The following VGLL3 variants were observed in gnomAD, a reference collection of about 807,000 sequenced individuals.
The protein encoded by VGLL3 is transcription cofactor vestigial-like protein 3.
In VGLL3, 18 loss-of-function variants were observed where a neutral mutation model predicts 29.2. The observed-to-expected ratio is 0.62, with a 90% CI of 0.43 to 0.91. The LOEUF is 0.91. VGLL3 is among the 40% of genes least tolerant of loss of function. The probability of loss-of-function intolerance (pLI) is 0.00; values close to 1 mark genes in which losing one functional copy is unlikely to be tolerated. For synonymous variants in VGLL3, 180 were observed against 151.8 expected, an observed-to-expected ratio of 1.19 and a Z score of -1.36; for missense variants, 440 against 413.2, an observed-to-expected ratio of 1.06 and a Z score of -0.56.
rs575971403 is a variant in VGLL3 at position 86,968,789 on chromosome 3, A to G, written c.738T>C (p.His246=). 1 of 1,614,106 alleles carries G rather than the reference A, an allele frequency of 6.2e-7. No homozygotes were observed. The highest frequency in any genetic ancestry group is 2.2e-5 in the East Asian group (1 of 44,872). The part of the protein sequence containing the change: ...MHHRHRHHHH[H]HHPPAGSALD... ...GGGCAGAGCCAGCAGGAGGGTGGTG[A>G]TGGTGATGATGGTGGCGGTGGCGGT... Residue 246 remains histidine, a synonymous_variant, in exon 3 of 4, where the codon CAT becomes CAC. Transcript: ENST00000398399.
In VGLL3 at chr3:86,968,644, C is replaced by G; in HGVS notation, c.883G>C (p.Ala295Pro). The change falls in exon 3 of 4, where the codon GCT becomes CCT. Residue 295 changes from alanine (A) to proline (P), a missense_variant. Transcript: ENST00000398399. ...TCTACTGTTCCATGAAAGGCTCCAG[C>G]CCATGCTGAGGTAGCAGAGGTGACT... ...TTVTSATSAW[A>P]GAFHGTVDIV... 1.2e-6 allele frequency: 2 copies of G among 1,614,194 alleles called. No individual in the cohort carries two copies. The highest frequency in any genetic ancestry group is 1.7e-6 in the Non-Finnish European group (2 of 1,180,038).
At chr3:86,960,340 A>G (rs1170006476) in intron 3 of VGLL3, among the ~76,000 whole-genome samples, 1 of 152,144 alleles carries the variant, frequency 6.6e-6, no homozygotes, top group Non-Finnish European at 1.5e-5. Flanking sequence ...TTATGATATC[A>G]TCAGGCACAA....
intron 1 of VGLL3, among the ~76,000 whole-genome samples, chr3:86,983,916 G>C (rs140171720): frequency 5.5e-4 from 84 of 152,256 alleles, no homozygotes; most frequent in Non-Finnish European, 8.8e-4. Context: ...TAACTATAAT[G>C]GTAAGTGGCA....
intron 1 of VGLL3, among the ~76,000 whole-genome samples, chr3:86,989,959 T>C (rs1231790976): frequency 3.9e-5 from 6 of 152,118 alleles, no homozygotes; most frequent in African/African-American, 1.4e-4. Flanking sequence ...AGATTCAAGG[T>C]AACCTTTTGG....
intron 2 of VGLL3, among the ~76,000 whole-genome samples, chr3:86,970,342 C>G (rs1488889022): frequency 6.6e-6 from 1 of 151,998 alleles, no homozygotes; most frequent in Non-Finnish European, 1.5e-5. Flanking sequence ...TAGGTATTCT[C>G]CCAACAGGAA....
At chr3:86,961,657 T>A (rs1304331040) in intron 3 of VGLL3, among the ~76,000 whole-genome samples, 2 of 152,158 alleles carry the variant, frequency 1.3e-5, no homozygotes, top group African/African-American at 4.8e-5. Context: ...CTGAGATAGC[T>A]GAAATCAGTC....
chr3:86,969,675 T>TTTTATTTATTTA (rs201595037), intron 2 of VGLL3, among the ~76,000 whole-genome samples: 602 of 145,492 alleles, frequency 4.1e-3, no homozygotes, highest in African/African-American at 4.2e-3. Context: ...TCCAACCTCA[T>TTTTATTTATTTA]TTTATTTATT....
chr3:86,988,639 C>CCAAAAAA (rs1559736654), intron 1 of VGLL3, among the ~76,000 whole-genome samples: 1 of 12,788 alleles, frequency 7.8e-5, no homozygotes, highest in Non-Finnish European at 2.5e-4. Flanking sequence ...CTTTACTTGA[C>CCAAAAAA]CAAAAAAAAA....
At chr3:86,980,556 C>G (rs1705303540) in intron 1 of VGLL3, among the ~76,000 whole-genome samples, 1 of 152,040 alleles carries the variant, frequency 6.6e-6, no homozygotes, top group Non-Finnish European at 1.5e-5. Context: ...TTCTCATAAT[C>G]TACCTCTGCA....
At position 86,942,754 on chromosome 3, in the gene VGLL3, A is replaced by G. The variant is rs1358847131; in HGVS notation, c.*4270T>C. 3 of 152,212 alleles carry G rather than the reference A, an allele frequency of 2.0e-5. No individual in the cohort carries two copies. Among genetic ancestry groups the G allele is most frequent in the Non-Finnish European group, 4.4e-5 (3 of 68,032 alleles). The allele number at this position is 152,212 out of a possible 1,614,324, so 9.4% of individuals were successfully genotyped here. A position where few individuals can be genotyped will look rare whatever the true frequency, so the allele number is the denominator to read the frequency against. ...TGACATACTAAAAAGTCAGCTAATT[A>G]AGAAACGTACATTTATCTCCTATAC... is the stretch of plus-strand genomic sequence containing the variant. On this transcript the variant is annotated 3_prime_UTR_variant, in exon 4 of 4. Coordinates refer to ENST00000398399, the MANE Select transcript of VGLL3 (RefSeq NM_016206.4).
At chr3:86,988,824 C>G (rs933868026) in intron 1 of VGLL3, among the ~76,000 whole-genome samples, 1 of 151,540 alleles carries the variant, frequency 6.6e-6, no homozygotes, top group African/African-American at 2.4e-5. Context: ...ATTATGTAAC[C>G]AATCAATGTA....
At position 86,988,706 on chromosome 3, in the gene VGLL3, A is replaced by AAG. The variant is rs1240083543; in HGVS notation, c.126+1911_126+1912insCT. ...AAAAAGAAGAAGAAGAAGGAGAAGA[A>AAG]AAAGAAGAAAAAGCAACATGAAAAT... On this transcript the variant is annotated intron_variant, in intron 1 of 3. Transcript: ENST00000398399. Among the ~76,000 whole-genome samples the AAG allele has an allele frequency of 1.3e-3, 25 of 19,808 alleles. 6 individuals carry two copies. Among genetic ancestry groups the AAG allele is most frequent in the African/African-American group, 2.3e-3 (23 of 10,184 alleles). The allele number at this position is 19,808 out of a possible 152,430, so 13.0% of individuals were successfully genotyped here. A position where few individuals can be genotyped will look rare whatever the true frequency, so the allele number is the denominator to read the frequency against.
At chr3:86,970,276 G>A (rs1575871978) in intron 2 of VGLL3, among the ~76,000 whole-genome samples, 1 of 152,114 alleles carries the variant, frequency 6.6e-6, no homozygotes, top group East Asian at 1.9e-4. Context: ...ATCATTTTTA[G>A]TCACAATCTG....
intron 3 of VGLL3, among the ~76,000 whole-genome samples, chr3:86,956,877 G>A (rs903220526): frequency 1.5e-4 from 22 of 150,978 alleles, no homozygotes; most frequent in Non-Finnish European, 2.5e-4. Context: ...ATATGGCAAA[G>A]GAGCTTTAAA....
At chr3:86,955,148 T>C (rs1388407429) in intron 3 of VGLL3, among the ~76,000 whole-genome samples, 1 of 152,022 alleles carries the variant, frequency 6.6e-6, no homozygotes, top group Non-Finnish European at 1.5e-5. Flanking sequence ...AACACCAACA[T>C]AGGAAACATG....
chr3:86,963,887 G>C lies in VGLL3; in HGVS notation c.937+4703C>G, dbSNP rs182737948. 1.2e-4 allele frequency among the ~76,000 whole-genome samples: 18 copies of C among 152,250 alleles called. No homozygotes were observed. The East Asian group carries it at 3.5e-3, about 29-fold the overall frequency. On this transcript the variant is annotated intron_variant, in intron 3 of 3. Coordinates refer to ENST00000398399, the MANE Select transcript of VGLL3 (RefSeq NM_016206.4). ...CATGCCGTCCACTAACTCTCCAGGA[G>C]TAACTACAATTAAAAGTTGGGATAT...
At position 86,968,605 on chromosome 3, in the gene VGLL3, C is replaced by T. The variant is rs183228630; in HGVS notation, c.922G>A (p.Val308Met). 54 of 1,613,462 alleles carry T rather than the reference C, an allele frequency of 3.3e-5. No homozygotes were observed. Among genetic ancestry groups the T allele is most frequent in the Admixed American group, 1.2e-4 (7 of 60,018 alleles). The stretch of plus-strand genomic sequence containing the variant: ...AGCAGCTTACCTGTATCGAATCCCA[C>T]GCTGGGCACTATGTCTACTGTTCCA... ...FHGTVDIVPS[V>M]GFDTGLQHQD... Residue 308 changes from valine (V) to methionine (M), a missense_variant, in exon 3 of 4, where the codon GTG becomes ATG. Transcript: ENST00000398399.
rs963287616 is a variant in VGLL3, at chr3:86,938,185, A to G, written c.*8839T>C. On this transcript the variant is annotated 3_prime_UTR_variant, in exon 4 of 4. Transcript: ENST00000398399. ...CATAAAAGTTATATATATTTAAGGT[A>G]TACGATATGATGATTTGATATAGGT... 6.6e-6 allele frequency: 1 copy of G among 152,230 alleles called. No homozygotes were observed. Among genetic ancestry groups the G allele is most frequent in the African/African-American group, 2.4e-5 (1 of 41,466 alleles). 9.4% of individuals were successfully genotyped at this position (152,230 alleles called of 1,614,324 possible). A position where few individuals can be genotyped will look rare whatever the true frequency, so the allele number is the denominator to read the frequency against.
intron 3 of VGLL3, among the ~76,000 whole-genome samples, chr3:86,950,155 T>A (rs965051480): frequency 3.3e-5 from 5 of 152,210 alleles, no homozygotes; most frequent in Non-Finnish European, 7.3e-5. Flanking sequence ...ATTTCCCCAC[T>A]GGCTGTCTGA....
Sources: gnomAD v4.1 joint callset for allele counts (sites outside exome capture counted in the v4.1 genomes callset) on GRCh38, gnomAD v4.1.1 for gene constraint, MANE v1.5 for transcripts, NCBI Gene and HGNC (gene_info 2026-07-23, HGNC 2026-07-21) for gene names.